Variants in TRDN observed in about 807,000 individuals in gnomAD.
TRDN encodes the protein triadin, also known as triadin in skeletal muscle.
Under a neutral mutation model 149.7 loss-of-function variants are expected in TRDN, and 161 were observed. That is an observed-to-expected ratio of 1.08 (90% CI 0.95 to 1.23). The LOEUF (loss-of-function observed/expected upper bound fraction) is 1.23. TRDN is among the 50% of genes most tolerant of loss of function. The pLI, the probability that TRDN is intolerant of heterozygous loss-of-function variation, is 0.00. For synonymous variants in TRDN, 294 were observed against 250.5 expected (o/e 1.17, Z -1.64); for missense variants, 896 against 823.5 (o/e 1.09, Z -1.08).
intron 38 of TRDN, among the ~76,000 whole-genome samples, chr6:123,237,497 C>A (rs765219679): frequency 1.3e-5 from 2 of 152,172 alleles, no homozygotes; most frequent in Non-Finnish European, 2.9e-5. Flanking sequence ...AACTGCCCGC[C>A]TCAGCCTCCC....
intron 14 of TRDN, 131 bp downstream of exon 14, chr6:123,388,391 T>G: frequency 1.9e-6 from 2 of 1,040,058 alleles, no homozygotes; most frequent in Non-Finnish European, 2.9e-6. Flanking sequence ...AGCACATTCA[T>G]GCAAAATGTA....
At chr6:123,612,154 G>A (rs1052356994) in intron 1 of TRDN, among the ~76,000 whole-genome samples, 3 of 150,222 alleles carry the variant, frequency 2.0e-5, no homozygotes, top group Non-Finnish European at 4.4e-5. Context: ...ACTTTGGGAG[G>A]CTGAGGTGGG....
chr6:123,327,402 C>T (rs955848673), intron 23 of TRDN, among the ~76,000 whole-genome samples: 6 of 151,762 alleles, frequency 4.0e-5, no homozygotes, highest in East Asian at 1.9e-4. Context: ...CTAAAAATAC[C>T]GTTGATATTT....
At chr6:123,559,935 A>C (rs1023831755) in intron 2 of TRDN, among the ~76,000 whole-genome samples, 5 of 152,088 alleles carry the variant, frequency 3.3e-5, no homozygotes, top group African/African-American at 1.2e-4. Flanking sequence ...GCTTTCCCTT[A>C]GACTGACCCT....
Position 123,267,699 on chromosome 6 carries a change from TA to T in TRDN, c.1783+7del. Reference sequence around the variant, plus strand: ...AAGACAGAATATAAACCAAAAATGGTAAAATACCTGTTTTTATAGATGGAGG... The same window carrying T: ...AAGACAGAATATAAACCAAAAATGGTAAATACCTGTTTTTATAGATGGAGG... On this transcript the variant is annotated splice_region_variant and intron_variant, in intron 32 of 40. Transcript: ENST00000334268. The T allele has an allele frequency of 1.3e-6, 2 of 1,561,642 alleles. No individual in the cohort carries two copies. Among genetic ancestry groups the T allele is most frequent in the Admixed American group, 1.9e-5 (1 of 53,274 alleles).
intron 29 of TRDN, 80 bp downstream of exon 29, chr6:123,272,884 C>T (rs1582807309): frequency 2.9e-6 from 3 of 1,037,574 alleles, no homozygotes; most frequent in East Asian, 2.8e-5. Flanking sequence ...TAACTTTAGA[C>T]TTGACTCTAA....
chr6:123,251,432 G>A (rs1776369068), intron 38 of TRDN, among the ~76,000 whole-genome samples: 1 of 151,782 alleles, frequency 6.6e-6, no homozygotes, highest in Non-Finnish European at 1.5e-5. Context: ...AAAGAATGTA[G>A]GGATAAATAC....
At chr6:123,565,107 A>C (rs938204771) in intron 2 of TRDN, among the ~76,000 whole-genome samples, 1 of 152,186 alleles carries the variant, frequency 6.6e-6, no homozygotes, top group African/African-American at 2.4e-5. Flanking sequence ...TCACTTCATA[A>C]ATAAAGCAAA....
At chr6:123,416,061 C>CT (rs144559067) in intron 12 of TRDN, among the ~76,000 whole-genome samples, 169 of 152,182 alleles carry the variant, frequency 1.1e-3, no homozygotes, top group African/African-American at 3.9e-3. Flanking sequence ...TAGTCTTATC[C>CT]TTTTCTGAAG....
At chr6:123,396,799 T>G (rs1356731750) in intron 12 of TRDN, among the ~76,000 whole-genome samples, 3 of 152,208 alleles carry the variant, frequency 2.0e-5, no homozygotes, top group African/African-American at 7.2e-5. Flanking sequence ...CACAGAGATT[T>G]AAATATTAGT....
intron 20 of TRDN, among the ~76,000 whole-genome samples, chr6:123,353,950 C>T (rs1197371524): frequency 2.0e-5 from 3 of 151,726 alleles, no homozygotes; most frequent in African/African-American, 7.3e-5. Context: ...CCAATGAATG[C>T]TATGCTCTTT....
At chr6:123,543,700 G>A (rs1780966656) in intron 4 of TRDN, among the ~76,000 whole-genome samples, 1 of 151,922 alleles carries the variant, frequency 6.6e-6, no homozygotes, top group South Asian at 2.1e-4. Flanking sequence ...ATAGATTATT[G>A]TAAATGTTGA....
At chr6:123,542,794 T>C (rs1338021524) in intron 4 of TRDN, among the ~76,000 whole-genome samples, 1 of 152,014 alleles carries the variant, frequency 6.6e-6, no homozygotes, top group African/African-American at 2.4e-5. Flanking sequence ...TTAAGACTTT[T>C]GGGTTTTCGC....
chr6:123,332,795 G>A lies in TRDN; in HGVS notation c.1421-866C>T, dbSNP rs537693073. On this transcript the variant is annotated intron_variant, in intron 22 of 40. Coordinates refer to ENST00000334268, the MANE Select transcript of TRDN (RefSeq NM_006073.4). ...GGGTGAAAATACAGAGACTGTGATG[G>A]TGGTGCTTGTAAATGGAGATGCCAC... Among the ~76,000 whole-genome samples, 3 of 152,028 alleles carry A rather than the reference G, an allele frequency of 2.0e-5. No individual in the cohort carries two copies. The South Asian group carries it at 6.2e-4, about 32-fold the overall frequency.
intron 10 of TRDN, among the ~76,000 whole-genome samples, chr6:123,447,809 C>T (rs78431959): frequency 0.092 from 13,984 of 151,848 alleles, 767 homozygotes; most frequent in South Asian, 0.18. Flanking sequence ...ATGTTAGCTC[C>T]AGATCAACTG....
At position 123,267,812 on chromosome 6, in the gene TRDN, T is replaced by A. The variant is rs1004523386; in HGVS notation, c.1739-61A>T. 41 of 1,360,932 alleles carry A rather than the reference T, an allele frequency of 3.0e-5. No homozygotes were observed. In the African/African-American group the frequency reaches 5.6e-4, roughly 19 times the overall value. 84.3% of individuals were successfully genotyped at this position (1,360,932 alleles called of 1,614,324 possible). On this transcript the variant is annotated intron_variant, in intron 31 of 40. Transcript: ENST00000334268. ...GGATTCTTTGGCAAATATTTCTTATTTATATATTTGCAAGTGATCCTCAGT... is the reference window on the plus strand; with the variant it reads ...GGATTCTTTGGCAAATATTTCTTATATATATATTTGCAAGTGATCCTCAGT...
At chr6:123,258,169 A>G (rs967509332) in intron 35 of TRDN, among the ~76,000 whole-genome samples, 1 of 152,096 alleles carries the variant, frequency 6.6e-6, no homozygotes, top group Non-Finnish European at 1.5e-5. Flanking sequence ...TTCCAATACT[A>G]TGTTGAATAG....
chr6:123,374,414 AGACT>A (rs1473977319), intron 19 of TRDN, among the ~76,000 whole-genome samples: 1 of 152,126 alleles, frequency 6.6e-6, no homozygotes, highest in Non-Finnish European at 1.5e-5. Flanking sequence ...GCATTTCTAC[AGACT>A]AAGTATCAGC....
chr6:123,368,992 G>C (rs1298082963), intron 19 of TRDN, among the ~76,000 whole-genome samples: 1 of 152,114 alleles, frequency 6.6e-6, no homozygotes, highest in African/African-American at 2.4e-5. Context: ...CTATTGGGTA[G>C]ATAAATACAA....
Sources: allele counts gnomAD v4.1 joint callset (sites outside exome capture counted in the v4.1 genomes callset), GRCh38; gene constraint gnomAD v4.1.1; transcripts MANE v1.5; gene names NCBI Gene and HGNC (gene_info 2026-07-23, HGNC 2026-07-21).